DENND1A: variants seen among roughly 807,000 people sequenced by gnomAD.
DENND1A encodes the protein DENN domain containing 1A.
Under a neutral mutation model 113.7 loss-of-function variants are expected in DENND1A, and 51 were observed. The observed-to-expected ratio is 0.45, with a 90% CI of 0.36 to 0.57. DENND1A has a LOEUF of 0.57. DENND1A is among the 20% of genes least tolerant of loss of function. The pLI is 0.00. For synonymous variants in DENND1A, 565 were observed against 570.8 expected, an observed-to-expected ratio of 0.99 and a Z score of 0.14; for missense variants, 1,258 against 1,395.9, an observed-to-expected ratio of 0.90 and a Z score of 1.57.
chr9:123,729,631 C>T (rs1056152167), intron 5 of DENND1A, among the ~76,000 whole-genome samples: 1 of 152,178 alleles, frequency 6.6e-6, no homozygotes, highest in Non-Finnish European at 1.5e-5. Flanking sequence ...AATGGAAGAA[C>T]ATTCCATCCT....
chr9:123,429,503 C>T (rs2045978980), intron 19 of DENND1A, among the ~76,000 whole-genome samples: 3 of 152,018 alleles, frequency 2.0e-5, no homozygotes, highest in South Asian at 2.1e-4. Flanking sequence ...TGCAGTGAGC[C>T]GAGATTGCAT....
intron 12 of DENND1A, among the ~76,000 whole-genome samples, chr9:123,558,181 T>A (rs1423649442): frequency 6.6e-6 from 1 of 152,154 alleles, no homozygotes; most frequent in Non-Finnish European, 1.5e-5. Flanking sequence ...AATGTTCCCA[T>A]CTTACAAGGG....
At chr9:123,898,702 C>G (rs1851147066) in intron 1 of DENND1A, among the ~76,000 whole-genome samples, 1 of 152,158 alleles carries the variant, frequency 6.6e-6, no homozygotes. Context: ...TGTGGTTTGT[C>G]TTTTCATTTT....
chr9:123,870,470 C>T (rs1419665539), intron 2 of DENND1A, among the ~76,000 whole-genome samples: 5 of 143,986 alleles, frequency 3.5e-5, no homozygotes, highest in African/African-American at 1.3e-4. Flanking sequence ...CGGAGTCTTG[C>T]TTTGTTGCCA....
At chr9:123,603,844 T>C (rs544305154) in intron 11 of DENND1A, among the ~76,000 whole-genome samples, 6 of 152,364 alleles carry the variant, frequency 3.9e-5, no homozygotes, top group African/African-American at 1.4e-4. Flanking sequence ...CACAGCTTGG[T>C]AGCAAAGAAG....
intron 19 of DENND1A, among the ~76,000 whole-genome samples, chr9:123,423,210 T>C (rs989456698): frequency 6.6e-6 from 1 of 152,176 alleles, no homozygotes; most frequent in Non-Finnish European, 1.5e-5. Flanking sequence ...AGCTCAGCCC[T>C]GCCTTCAGGG....
chr9:123,519,406 A>T (rs2054205507), intron 13 of DENND1A, among the ~76,000 whole-genome samples: 2 of 151,072 alleles, frequency 1.3e-5, no homozygotes, highest in South Asian at 4.2e-4. Context: ...TTCAGATTCC[A>T]TCCCCAGAGC....
At position 123,743,142 on chromosome 9, in the gene DENND1A, C is replaced by A. The variant is rs573177958; in HGVS notation, c.302+14561G>T. Among the ~76,000 whole-genome samples the A allele has an allele frequency of 8.3e-4, 126 of 152,250 alleles. 1 individual carries two copies. Among genetic ancestry groups the A allele is most frequent in the African/African-American group, 2.9e-3 (121 of 41,552 alleles). On this transcript the variant is annotated intron_variant, in intron 5 of 23. Transcript: ENST00000394215. ...CTCCTGAGCGAGGCATGGTGGCTCA[C>A]ACCTGTAATCCCAGCACTTTGGGAG...
At chr9:123,419,227 G>T (rs1324674911) in intron 19 of DENND1A, among the ~76,000 whole-genome samples, 1 of 152,236 alleles carries the variant, frequency 6.6e-6, no homozygotes. Flanking sequence ...AAGAAGGTGG[G>T]GTGTGCCTGA....
intron 13 of DENND1A, among the ~76,000 whole-genome samples, chr9:123,547,245 T>TTTTTTAAC: frequency 6.6e-6 from 1 of 152,214 alleles, no homozygotes; most frequent in East Asian, 1.9e-4. Flanking sequence ...AAACTGACTG[T>TTTTTTAAC]AGGGCCGGGT....
intron 21 of DENND1A, among the ~76,000 whole-genome samples, chr9:123,395,426 G>A (rs1468056419): frequency 1.3e-5 from 2 of 148,688 alleles, no homozygotes; most frequent in African/African-American, 5.0e-5. Context: ...GCTGGCTTTA[G>A]GCTTGGTTTT....
intron 4 of DENND1A, among the ~76,000 whole-genome samples, chr9:123,761,354 G>C (rs1056266711): frequency 1.3e-5 from 2 of 152,222 alleles, no homozygotes; most frequent in African/African-American, 4.8e-5. Flanking sequence ...ATAAAGGTCA[G>C]TCCAGAGTAG....
intron 3 of DENND1A, among the ~76,000 whole-genome samples, chr9:123,773,863 C>T (rs911721856): frequency 2.6e-5 from 4 of 152,086 alleles, no homozygotes; most frequent in African/African-American, 9.7e-5. Context: ...AAGGGAAAAA[C>T]ATGGTGCAGG....
In DENND1A at chr9:123,814,918, G is replaced by T. The variant is rs144640734; in HGVS notation, c.89-22288C>A. 3.5e-3 allele frequency among the ~76,000 whole-genome samples: 528 copies of T among 152,306 alleles called. 4 individuals are homozygous for T. Among genetic ancestry groups the T allele is most frequent in the African/African-American group, 0.012 (499 of 41,570 alleles). On this transcript the variant is annotated intron_variant, in intron 2 of 23. Coordinates refer to ENST00000394215, the MANE Select transcript of DENND1A (RefSeq NM_001352964.2). The stretch of plus-strand genomic sequence containing the variant: ...AAAATGTTTTTACAACTGATAATTA[G>T]ATATTATTCATTGAATGATAGTTTT...
At chr9:123,515,575 T>C (rs1249943667) in intron 13 of DENND1A, among the ~76,000 whole-genome samples, 1 of 152,244 alleles carries the variant, frequency 6.6e-6, no homozygotes. Flanking sequence ...GGTAAATGGG[T>C]ATTCACTGTA....
At chr9:123,859,193 T>C (rs1211740262) in intron 2 of DENND1A, among the ~76,000 whole-genome samples, 3 of 152,188 alleles carry the variant, frequency 2.0e-5, no homozygotes, top group African/African-American at 7.2e-5. Flanking sequence ...CAGTTTTCTG[T>C]ATGCTAACAA....
intron 5 of DENND1A, among the ~76,000 whole-genome samples, chr9:123,714,263 C>T (rs576225105): frequency 5.9e-5 from 9 of 152,290 alleles, no homozygotes; most frequent in Non-Finnish European, 8.8e-5. Flanking sequence ...GTGCAGGTAG[C>T]TCCTGCCAGG....
intron 19 of DENND1A, among the ~76,000 whole-genome samples, chr9:123,434,036 C>CT (rs1008580345): frequency 4.5e-4 from 69 of 152,170 alleles, no homozygotes; most frequent in African/African-American, 9.6e-4. Flanking sequence ...AAACAAAATC[C>CT]TTTTTTTTGA....
chr9:123,850,571 T>C (rs1285885451), intron 2 of DENND1A, among the ~76,000 whole-genome samples: 2 of 152,198 alleles, frequency 1.3e-5, no homozygotes, highest in African/African-American at 2.4e-5. Context: ...GAGGTATGCC[T>C]GTATTAGTTA....
Sources: allele counts gnomAD v4.1 joint callset (sites outside exome capture counted in the v4.1 genomes callset), GRCh38; gene constraint gnomAD v4.1.1; transcripts MANE v1.5; gene names NCBI Gene and HGNC (gene_info 2026-07-23, HGNC 2026-07-21).